The following P2RX1 variants were observed in gnomAD, a reference collection of about 807,000 sequenced individuals.
P2RX1 encodes the protein purinergic receptor P2X 1.
P2RX1 carries 42 observed loss-of-function variants against 50.3 expected under a neutral mutation model. That is an observed-to-expected ratio of 0.83 (90% confidence interval 0.65 to 1.08). The LOEUF (loss-of-function observed/expected upper bound fraction) is 1.08. Ranked by LOEUF, P2RX1 falls within the 50% of genes least tolerant of loss-of-function variation. P2RX1 has a pLI of 0.00. For synonymous variants in P2RX1, 199 were observed against 202.6 expected (o/e 0.98, Z 0.15); for missense variants, 449 against 529.0 (o/e 0.85, Z 1.48).
In P2RX1 at chr17:3,904,011, G is replaced by C; in HGVS notation, c.441C>G (p.Gly147=). 6.2e-7 allele frequency: 1 copy of C among 1,614,032 alleles called. No individual in the cohort carries two copies. Among genetic ancestry groups the C allele is most frequent in the Non-Finnish European group, 8.5e-7 (1 of 1,179,952 alleles). The change falls in exon 5 of 12, where the codon GGC becomes GGG. Residue 147 remains glycine (G), a synonymous_variant. Transcript: ENST00000225538. ...CAGTGTCGTTGAAGGCCACACACTTGCCCGTGCGGATGCCTGGAGCCAGAG... is the reference window on the plus strand; with the variant it reads ...CAGTGTCGTTGAAGGCCACACACTTCCCCGTGCGGATGCCTGGAGCCAGAG... ...AKRKAQGIRT[G]KCVAFNDTVK...
Position 3,914,736 on chromosome 17 carries a change from TG to T in P2RX1, c.137+1352del, listed in dbSNP as rs1422109391. 1.3e-5 allele frequency among the ~76,000 whole-genome samples: 2 copies of T among 152,138 alleles called. No individual in the cohort carries two copies. Among genetic ancestry groups the T allele is most frequent in the Non-Finnish European group, 2.9e-5 (2 of 68,020 alleles). The stretch of plus-strand genomic sequence containing the variant: ...GGAAGGAGAAGGCACAGCAGAGGCC[TG>T]GGGGTCAGGAGGGCTCAGCTGCAAC... On this transcript the variant is annotated intron_variant, in intron 1 of 11. Transcript: ENST00000225538. The surrounding 1 kb of genome is among the most constrained non-coding windows in gnomAD (Gnocchi z 4.1).
At chr17:3,904,963 G>GGGCC in intron 2 of P2RX1, 34 bp from the exon 3 acceptor site, 2 of 435,312 alleles carry the variant, frequency 4.6e-6, no homozygotes, top group Non-Finnish European at 9.5e-6. Context: ...GGTGGGGTGG[G>GGGCC]CTGGGAGCTG....
intron 4 of P2RX1, 132 bp from the exon 5 acceptor site, chr17:3,904,156 G>A (rs2056211596): frequency 9.9e-7 from 1 of 1,014,704 alleles, no homozygotes; most frequent in African/African-American, 1.6e-5. Flanking sequence ...CTGGGTCCCG[G>A]ACGGGCAGGC....
At position 3,904,411 on chromosome 17, in the gene P2RX1, A is replaced by G. The variant is rs749856690; in HGVS notation, c.358-12T>C. The G allele has an allele frequency of 1.2e-6, 2 of 1,612,406 alleles. No homozygotes were observed. Among genetic ancestry groups the G allele is most frequent in the Admixed American group, 3.3e-5 (2 of 59,902 alleles). On this transcript the variant is annotated splice_polypyrimidine_tract_variant and intron_variant, in intron 3 of 11. Transcript: ENST00000225538. ...CCCCCTTCTGGGTGCTGGGGGAGGCAAAAGCTGCTGGTCCCAGGCCCCTTG... is the reference window on the plus strand; with the variant it reads ...CCCCCTTCTGGGTGCTGGGGGAGGCGAAAGCTGCTGGTCCCAGGCCCCTTG...
rs754773234 is a variant in P2RX1, at chr17:3,903,641, A to T, written c.525-10T>A. On this transcript the variant is annotated splice_polypyrimidine_tract_variant and intron_variant, in intron 5 of 11. Transcript: ENST00000225538. The surrounding 1 kb of genome is among the most constrained non-coding windows in gnomAD (Gnocchi z 4.6). ...TCGGAGAAGGGCAGGGCTGGAGGAC[A>T]CCACACGCACTCACCGCCCCTCCCC... 6.2e-7 allele frequency: 1 copy of T among 1,613,466 alleles called. No individual in the cohort carries two copies. The highest frequency in any genetic ancestry group is 8.5e-7 in the Non-Finnish European group (1 of 1,179,578).
chr17:3,898,671 T>C, intron 9 of P2RX1, 122 bp from the exon 10 acceptor site: 1 of 794,178 alleles, frequency 1.3e-6, no homozygotes, highest in Non-Finnish European at 2.2e-6. Flanking sequence ...CCTCGGACTC[T>C]ACATGGGCCA....
Position 3,897,727 on chromosome 17 carries a change from G to A in P2RX1, c.*87C>T. 8.2e-7 allele frequency: 1 copy of A among 1,221,384 alleles called. No individual in the cohort carries two copies. Among genetic ancestry groups the A allele is most frequent in the African/African-American group, 1.5e-5 (1 of 66,800 alleles). The allele number at this position is 1,221,384 out of a possible 1,614,324, so 75.7% of individuals were successfully genotyped here. A position where few individuals can be genotyped will look rare whatever the true frequency, so the allele number is the denominator to read the frequency against. ...GGCTGAGAGGGTAGGAGACTTCCTGGGGAGGCCCCTCTGCCCTGGCTGGGA... is the reference window on the plus strand; with the variant it reads ...GGCTGAGAGGGTAGGAGACTTCCTGAGGAGGCCCCTCTGCCCTGGCTGGGA... On this transcript the variant is annotated 3_prime_UTR_variant, in exon 12 of 12. Coordinates refer to ENST00000225538, the MANE Select transcript of P2RX1 (RefSeq NM_002558.4).
intron 1 of P2RX1, among the ~76,000 whole-genome samples, chr17:3,910,171 C>T (rs144310193): frequency 2.1e-3 from 315 of 152,104 alleles, no homozygotes; most frequent in African/African-American, 7.3e-3. Context: ...GACGGGGCTT[C>T]ACCATGTTGG....
intron 1 of P2RX1, 56 bp downstream of exon 1, chr17:3,916,033 G>A (rs1482276208): frequency 1.2e-6 from 2 of 1,605,138 alleles, no homozygotes; most frequent in African/African-American, 2.7e-5. Context: ...GTCAGAGTCT[G>A]GAGGACAGGC....
chr17:3,914,353 G>A lies in P2RX1; in HGVS notation c.137+1736C>T, dbSNP rs1350891931. Among the ~76,000 whole-genome samples the A allele has an allele frequency of 4.6e-5, 7 of 151,954 alleles. No individual in the cohort carries two copies. The highest frequency in any genetic ancestry group is 1.9e-4 in the East Asian group (1 of 5,170). On this transcript the variant is annotated intron_variant, in intron 1 of 11. Coordinates refer to ENST00000225538, the MANE Select transcript of P2RX1 (RefSeq NM_002558.4). The surrounding 1 kb of genome is among the most constrained non-coding windows in gnomAD (Gnocchi z 4.1). ...TGGGAGGGAAGACAGGCAGGAGGAC[G>A]GTAGTGAGGTCCCCGTCACTGGAGG...
rs1049595688 is a variant in P2RX1 at position 3,896,907 on chromosome 17, G to A, written c.*907C>T. On this transcript the variant is annotated 3_prime_UTR_variant, in exon 12 of 12. Coordinates refer to ENST00000225538, the MANE Select transcript of P2RX1 (RefSeq NM_002558.4). The stretch of plus-strand genomic sequence containing the variant: ...CCAAGCTGTTCACATACACAGTGTG[G>A]AAGGATGCTGTGTGCACGTAGGTGG... The A allele has an allele frequency of 2.6e-5, 4 of 152,402 alleles. No homozygotes were observed. The highest frequency in any genetic ancestry group is 7.2e-5 in the African/African-American group (3 of 41,464). 9.4% of individuals were successfully genotyped at this position (152,402 alleles called of 1,614,324 possible).
chr17:3,901,199 C>T (rs1258302786), intron 7 of P2RX1, among the ~76,000 whole-genome samples: 1 of 152,188 alleles, frequency 6.6e-6, no homozygotes, highest in African/African-American at 2.4e-5. Context: ...TCCTGAGTAG[C>T]TGAGATTACA....
At chr17:3,902,504 C>T (rs1426261200) in intron 7 of P2RX1, among the ~76,000 whole-genome samples, 1 of 151,998 alleles carries the variant, frequency 6.6e-6, no homozygotes, top group Non-Finnish European at 1.5e-5. Flanking sequence ...CCATACTGGT[C>T]AGGCTGGTCT....
chr17:3,912,084 G>A (rs2056375695), intron 1 of P2RX1, among the ~76,000 whole-genome samples: 1 of 152,190 alleles, frequency 6.6e-6, no homozygotes, highest in Admixed American at 6.5e-5. Context: ...GAACTTGCCT[G>A]AGAATGAAGC....
intron 7 of P2RX1, among the ~76,000 whole-genome samples, chr17:3,900,066 A>ACT (rs774966308): frequency 5.1e-4 from 78 of 152,036 alleles, no homozygotes; most frequent in South Asian, 3.3e-3. Context: ...CCACCACTGC[A>ACT]CTCTAGCCTG....
chr17:3,899,658 T>G lies in P2RX1; in HGVS notation c.851A>C (p.Asn284Thr). Residue 284 changes from asparagine to threonine, a missense_variant, in exon 8 of 12, where the codon AAT becomes ACT. Asn to Thr is a moderately conservative substitution (Grantham distance 65). Coordinates refer to ENST00000225538, the MANE Select transcript of P2RX1 (RefSeq NM_002558.4). ...YEFHGLYEEK[N>T]LSPGFNFRFA... ...CCTGAAGTTGAAGCCTGGGGAGAGA[T>G]TTTTCTCTTCGTACAGCCCATGGAA... 6.2e-7 allele frequency: 1 copy of G among 1,613,294 alleles called. No homozygotes were observed. Among genetic ancestry groups the G allele is most frequent in the Non-Finnish European group, 8.5e-7 (1 of 1,179,604 alleles).
chr17:3,900,978 G>A (rs780825265), intron 7 of P2RX1, among the ~76,000 whole-genome samples: 5 of 152,234 alleles, frequency 3.3e-5, no homozygotes, highest in Non-Finnish European at 5.9e-5. Context: ...GAGAAGAGCT[G>A]GAAGGTGGTC....
At chr17:3,911,385 C>T (rs1427884482) in intron 1 of P2RX1, among the ~76,000 whole-genome samples, 1 of 152,194 alleles carries the variant, frequency 6.6e-6, no homozygotes, top group Non-Finnish European at 1.5e-5. Context: ...CTTCCCACTT[C>T]TCTTGAGACG....
Position 3,904,471 on chromosome 17 carries a change from C to T in P2RX1, c.358-72G>A. ...CTGAGAAGAGCCCCTCTCCCCACCC[C>T]CCAGGGCCCTAGGGAGAGCGTGGGG... On this transcript the variant is annotated intron_variant, in intron 3 of 11. Transcript: ENST00000225538. 6 of 1,353,616 alleles carry T rather than the reference C, an allele frequency of 4.4e-6. No homozygotes were observed. The East Asian group carries it at 1.2e-4, about 27-fold the overall frequency. 83.9% of individuals were successfully genotyped at this position (1,353,616 alleles called of 1,614,324 possible). A position where few individuals can be genotyped will look rare whatever the true frequency, so the allele number is the denominator to read the frequency against.
Sources: gnomAD v4.1 joint callset for allele counts (sites outside exome capture counted in the v4.1 genomes callset) on GRCh38, gnomAD v4.1.1 for gene constraint, Gnocchi (gnomAD v3.1) non-coding constraint, MANE v1.5 for transcripts, NCBI Gene and HGNC (gene_info 2026-07-23, HGNC 2026-07-21) for gene names.